COL26A1: variants seen among roughly 807,000 people sequenced by gnomAD.
COL26A1 encodes the protein collagen alpha-1(XXVI) chain.
Under a neutral mutation model 59.3 loss-of-function variants are expected in COL26A1, and 41 were observed. The observed-to-expected ratio is 0.69, with a 90% CI of 0.54 to 0.90. The LOEUF (loss-of-function observed/expected upper bound fraction) is 0.90. COL26A1 is among the 40% of genes least tolerant of loss of function. COL26A1 has a pLI of 0.00. For missense variants in COL26A1, 612 were observed against 602.3 expected, an observed-to-expected ratio of 1.02 and a Z score of -0.17; for synonymous variants, 266 against 256.0, an observed-to-expected ratio of 1.04 and a Z score of -0.37.
chr7:101,362,865 A>C, upstream of COL26A1: 1 of 617,646 alleles, frequency 1.6e-6, no homozygotes, highest in Non-Finnish European at 2.6e-6. Context: ...GGCCCCGGAG[A>C]GGCGTGGGCG....
intron 1 of COL26A1, among the ~76,000 whole-genome samples, chr7:101,376,797 C>G (rs970104885): frequency 2.6e-5 from 4 of 152,022 alleles, no homozygotes; most frequent in African/African-American, 9.7e-5. Context: ...TGGGAGGGAT[C>G]GGAGGGTGCT....
At chr7:101,528,713 A>G (rs1235787078) in intron 3 of COL26A1, among the ~76,000 whole-genome samples, 1 of 152,014 alleles carries the variant, frequency 6.6e-6, no homozygotes, top group African/African-American at 2.4e-5. Context: ...ATGCCTGGCT[A>G]ACTTTTGTAT....
intron 1 of COL26A1, among the ~76,000 whole-genome samples, chr7:101,401,731 A>T (rs1401002462): frequency 1.4e-5 from 2 of 148,032 alleles, no homozygotes; most frequent in South Asian, 4.4e-4. Flanking sequence ...GAGGAGAAGG[A>T]AGAGAAGGAG....
chr7:101,393,218 G>A (rs1052688687), intron 1 of COL26A1, among the ~76,000 whole-genome samples: 1 of 152,208 alleles, frequency 6.6e-6, no homozygotes, highest in South Asian at 2.1e-4. Context: ...GAGTTTTCTA[G>A]AGGGACAGAA....
chr7:101,510,822 T>TGG (rs1433816549), intron 3 of COL26A1, among the ~76,000 whole-genome samples: 1 of 151,834 alleles, frequency 6.6e-6, no homozygotes, highest in Non-Finnish European at 1.5e-5. Flanking sequence ...GTCTGGCTAA[T>TGG]GGGGGCTTCT....
chr7:101,370,760 G>A (rs1791172539), intron 1 of COL26A1, among the ~76,000 whole-genome samples: 1 of 152,102 alleles, frequency 6.6e-6, no homozygotes, highest in Non-Finnish European at 1.5e-5. Flanking sequence ...AAAGTGCTTG[G>A]TGTGTCCCCT....
intron 3 of COL26A1, among the ~76,000 whole-genome samples, chr7:101,448,002 A>G (rs999060371): frequency 2.0e-5 from 3 of 152,214 alleles, no homozygotes; most frequent in Non-Finnish European, 2.9e-5. Context: ...GGCAGGTCCT[A>G]GTTTGCACTG....
chr7:101,507,039 C>G (rs143622802), intron 3 of COL26A1, among the ~76,000 whole-genome samples: 1,912 of 152,094 alleles, frequency 0.013, 53 homozygotes, highest in African/African-American at 0.044. Flanking sequence ...CTCAGCCTCC[C>G]GAGTAGCTGG....
chr7:101,460,144 C>T (rs754860021), intron 3 of COL26A1, among the ~76,000 whole-genome samples: 11 of 152,114 alleles, frequency 7.2e-5, no homozygotes, highest in Non-Finnish European at 1.3e-4. Flanking sequence ...TAGCACGTTC[C>T]GGGCGCCGGA....
intron 1 of COL26A1, among the ~76,000 whole-genome samples, chr7:101,410,301 C>A (rs1165809607): frequency 6.6e-6 from 1 of 151,994 alleles, no homozygotes; most frequent in East Asian, 1.9e-4. Context: ...TAACATGACT[C>A]CTGAATGCTA....
chr7:101,544,989 C>T (rs2130665940), intron 6 of COL26A1, among the ~76,000 whole-genome samples: 1 of 152,272 alleles, frequency 6.6e-6, no homozygotes, highest in South Asian at 2.1e-4. Flanking sequence ...AGGTACAGGG[C>T]CAGCCCAGGA....
chr7:101,376,587 C>A (rs568025642), intron 1 of COL26A1, among the ~76,000 whole-genome samples: 194 of 152,264 alleles, frequency 1.3e-3, no homozygotes, highest in Middle Eastern at 3.4e-3. Flanking sequence ...TCTCCTGTAG[C>A]TGAGCCCACC....
chr7:101,526,443 C>T (rs1480514808), intron 3 of COL26A1, among the ~76,000 whole-genome samples: 2 of 152,234 alleles, frequency 1.3e-5, no homozygotes, highest in East Asian at 1.9e-4. Context: ...TGCCTGCAGA[C>T]CCCTCTGAGA....
At chr7:101,515,013 C>T (rs557015577) in intron 3 of COL26A1, among the ~76,000 whole-genome samples, 10 of 152,338 alleles carry the variant, frequency 6.6e-5, no homozygotes, top group Admixed American at 2.6e-4. Context: ...CTCCCATCTG[C>T]ACCTTCGTGA....
intron 3 of COL26A1, among the ~76,000 whole-genome samples, chr7:101,531,193 G>A (rs1020196526): frequency 2.0e-5 from 3 of 152,044 alleles, no homozygotes; most frequent in Admixed American, 1.3e-4. Flanking sequence ...GGATTGTCTC[G>A]ATCTCCTGAC....
chr7:101,385,910 T>C (rs897097494), intron 1 of COL26A1, among the ~76,000 whole-genome samples: 3 of 151,408 alleles, frequency 2.0e-5, no homozygotes, highest in Non-Finnish European at 4.4e-5. Context: ...GTTAGTTAGC[T>C]AGTAGTTAGC....
At chr7:101,485,916 T>C (rs1794259200) in intron 3 of COL26A1, among the ~76,000 whole-genome samples, 1 of 152,100 alleles carries the variant, frequency 6.6e-6, no homozygotes, top group South Asian at 2.1e-4. Context: ...CTCACATCTG[T>C]ATTCTCAGCA....
chr7:101,526,673 A>G (rs556251706), intron 3 of COL26A1, among the ~76,000 whole-genome samples: 45 of 152,356 alleles, frequency 3.0e-4, no homozygotes, highest in African/African-American at 1.1e-3. Flanking sequence ...AGCCATCACC[A>G]GGAGCAGTGC....
intron 4 of COL26A1, among the ~76,000 whole-genome samples, chr7:101,539,335 CTT>C (rs200640054): frequency 2.1e-5 from 3 of 142,680 alleles, no homozygotes; most frequent in Non-Finnish European, 4.6e-5. Flanking sequence ...TGTGTGTGTG[CTT>C]TTTTTTTCTC....
Sources: allele counts gnomAD v4.1 joint callset (sites outside exome capture counted in the v4.1 genomes callset), GRCh38; gene constraint gnomAD v4.1.1; transcripts MANE v1.5; gene names NCBI Gene and HGNC (gene_info 2026-07-23, HGNC 2026-07-21).